GRAMD1B: variants seen among roughly 807,000 people sequenced by gnomAD.
GRAMD1B encodes the protein protein Aster-B.
GRAMD1B carries 37 observed loss-of-function variants against 99.7 expected under a neutral mutation model. That is an observed-to-expected ratio of 0.37 (90% CI 0.29 to 0.49). GRAMD1B has a LOEUF of 0.49. Ranked by LOEUF, GRAMD1B falls within the 20% of genes least tolerant of loss-of-function variation. The pLI is 0.98. For synonymous variants in GRAMD1B, 427 were observed against 387.6 expected (o/e 1.10, Z -1.19); for missense variants, 888 against 1,009.2 (o/e 0.88, Z 1.63).
At chr11:123,544,998 T>C (rs908773068) in intron 2 of GRAMD1B, among the ~76,000 whole-genome samples, 2 of 152,314 alleles carry the variant, frequency 1.3e-5, no homozygotes, top group East Asian at 3.9e-4. Context: ...CCTGTCTCCC[T>C]CTGATGTGCA....
At chr11:123,380,561 G>T (rs1304565430) in intron 1 of GRAMD1B, among the ~76,000 whole-genome samples, 2 of 152,142 alleles carry the variant, frequency 1.3e-5, no homozygotes, top group Non-Finnish European at 2.9e-5. Flanking sequence ...CTTGGGTTTC[G>T]AGGTGTTCAA....
At chr11:123,498,666 G>T (rs1290840930) in intron 2 of GRAMD1B, among the ~76,000 whole-genome samples, 1 of 152,166 alleles carries the variant, frequency 6.6e-6, no homozygotes, top group Non-Finnish European at 1.5e-5. Flanking sequence ...ATGGGTAAGT[G>T]TTCATGTCTC....
At chr11:123,459,357 G>A (rs541397162) in intron 1 of GRAMD1B, 1 of 151,952 alleles carries the variant, frequency 6.6e-6, no homozygotes, top group East Asian at 1.9e-4. Context: ...CTGGGTTCAA[G>A]CAATTCTCCT....
chr11:123,531,904 T>G (rs1355641828), intron 2 of GRAMD1B, among the ~76,000 whole-genome samples: 6 of 151,958 alleles, frequency 3.9e-5, no homozygotes, highest in African/African-American at 1.5e-4. Context: ...CCTGGCTAAT[T>G]TTGTATTTTT....
intron 8 of GRAMD1B, among the ~76,000 whole-genome samples, chr11:123,601,536 T>C (rs1951978755): frequency 6.6e-6 from 1 of 151,982 alleles, no homozygotes; most frequent in South Asian, 2.1e-4. Context: ...TGTGTGTGTG[T>C]GTGTGTGTGT....
At chr11:123,439,211 C>G (rs955344327) in intron 1 of GRAMD1B, among the ~76,000 whole-genome samples, 1 of 152,086 alleles carries the variant, frequency 6.6e-6, no homozygotes, top group African/African-American at 2.4e-5. Context: ...TTTCGGGTCT[C>G]TCAGGGACTC....
chr11:123,585,216 G>A (rs139947815), intron 4 of GRAMD1B, among the ~76,000 whole-genome samples: 105 of 152,362 alleles, frequency 6.9e-4, no homozygotes, highest in African/African-American at 2.4e-3. Flanking sequence ...TGGGCATGGA[G>A]TAGCTGTGGC....
At chr11:123,442,855 A>G (rs1949472786) in intron 1 of GRAMD1B, among the ~76,000 whole-genome samples, 1 of 122,936 alleles carries the variant, frequency 8.1e-6, no homozygotes, top group African/African-American at 3.0e-5. Context: ...TGGATTATTT[A>G]TGCCCCCCCC....
intron 14 of GRAMD1B, among the ~76,000 whole-genome samples, chr11:123,612,046 G>A (rs1953668881): frequency 6.6e-6 from 1 of 151,898 alleles, no homozygotes; most frequent in South Asian, 2.1e-4. Context: ...TGAGGTCTGG[G>A]GTGCAGTGGA....
rs1038576140 is a variant in GRAMD1B, at chr11:123,608,545, C to G, written c.1514-114C>G. 3 of 1,545,598 alleles carry G rather than the reference C, an allele frequency of 1.9e-6. No homozygotes were observed. The East Asian group carries it at 7.3e-5, about 38-fold the overall frequency. On this transcript the variant is annotated intron_variant, in intron 11 of 19. Coordinates refer to ENST00000635736, the MANE Select transcript of GRAMD1B (RefSeq NM_001387025.1). ...GTCCTGCTCCGTGTCCTCTCCATAC[C>G]CTTGTTGACTGTGCTCATATTAGCC...
intron 2 of GRAMD1B, among the ~76,000 whole-genome samples, chr11:123,504,304 C>T (rs139534143): frequency 8.5e-5 from 13 of 152,258 alleles, no homozygotes; most frequent in East Asian, 3.9e-4. Flanking sequence ...TTGTCCAGCC[C>T]GCAAGGACTT....
chr11:123,446,577 C>G (rs192027270), intron 1 of GRAMD1B, among the ~76,000 whole-genome samples: 18 of 152,302 alleles, frequency 1.2e-4, no homozygotes, highest in African/African-American at 4.3e-4. Flanking sequence ...TCAGAAAGTT[C>G]TCAGAACACT....
At chr11:123,554,325 T>C (rs185260294) in intron 2 of GRAMD1B, among the ~76,000 whole-genome samples, 40 of 152,198 alleles carry the variant, frequency 2.6e-4, no homozygotes, top group Non-Finnish European at 4.4e-4. Flanking sequence ...CTCATCCATA[T>C]AGTAGTGTAT....
At chr11:123,420,914 C>A (rs1948411140) in intron 1 of GRAMD1B, among the ~76,000 whole-genome samples, 1 of 152,162 alleles carries the variant, frequency 6.6e-6, no homozygotes, top group African/African-American at 2.4e-5. Flanking sequence ...GTGCCTTGCT[C>A]ATGAAATCTT....
At chr11:123,579,992 G>A (rs745864374) in intron 3 of GRAMD1B, among the ~76,000 whole-genome samples, 16 of 152,200 alleles carry the variant, frequency 1.1e-4, no homozygotes, top group Non-Finnish European at 2.4e-4. Context: ...CTGGGAGATT[G>A]GGTGGACGCC....
At chr11:123,560,350 A>G in intron 2 of GRAMD1B, 2 of 1,168,882 alleles carry the variant, frequency 1.7e-6, no homozygotes, top group South Asian at 3.3e-5. Context: ...GTAAGGCGGC[A>G]CGACCACACC....
At chr11:123,442,439 C>T (rs753300153) in intron 1 of GRAMD1B, among the ~76,000 whole-genome samples, 4 of 151,954 alleles carry the variant, frequency 2.6e-5, no homozygotes, top group Non-Finnish European at 5.9e-5. Flanking sequence ...GAATTCAGGG[C>T]GAGTACACAA....
intron 2 of GRAMD1B, among the ~76,000 whole-genome samples, chr11:123,543,730 C>A (rs928651561): frequency 6.6e-6 from 1 of 152,220 alleles, no homozygotes; most frequent in South Asian, 2.1e-4. Context: ...TCTTTGATCC[C>A]ATTTCGCAGA....
intron 1 of GRAMD1B, among the ~76,000 whole-genome samples, chr11:123,410,656 G>A (rs2135966506): frequency 6.6e-6 from 1 of 152,174 alleles, no homozygotes; most frequent in African/African-American, 2.4e-5. Flanking sequence ...CTTGAGAGCT[G>A]GAAGAGCACA....
Sources: allele counts gnomAD v4.1 joint callset (sites outside exome capture counted in the v4.1 genomes callset), GRCh38; gene constraint gnomAD v4.1.1; transcripts MANE v1.5; gene names NCBI Gene and HGNC (gene_info 2026-07-23, HGNC 2026-07-21).